CCDC59: variants seen among roughly 807,000 people sequenced by gnomAD.
CCDC59 encodes coiled-coil domain containing 59, also known as thyroid transcription factor 1-associated protein 26.
In CCDC59, 27 loss-of-function variants were observed where a neutral mutation model predicts 30.5. The ratio of observed to expected loss-of-function variants is 0.89; its 90% CI spans 0.65 to 1.22. The LOEUF is 1.22. Among genes scored for constraint, CCDC59 ranks in the 50% most tolerant of loss-of-function variants. The pLI is 0.00. For synonymous variants in CCDC59, 125 were observed against 100.9 expected, an observed-to-expected ratio of 1.24 and a Z score of -1.43; for missense variants, 362 against 284.4, an observed-to-expected ratio of 1.27 and a Z score of -1.96.
intron 2 of CCDC59, 43 bp from the exon 3 acceptor site, chr12:82,354,637 T>C (rs1200006536): frequency 1.3e-6 from 2 of 1,519,088 alleles, no homozygotes; most frequent in Admixed American, 2.2e-5. Flanking sequence ...ATTAGTAAAA[T>C]GTCCAAAAAG....
intron 2 of CCDC59, chr12:82,356,170 T>A (rs1881003321): frequency 6.6e-6 from 1 of 152,220 alleles, no homozygotes; most frequent in African/African-American, 2.4e-5. Flanking sequence ...TGCTCCCAAG[T>A]TAATACCCAG....
rs2136744796 is a variant in CCDC59 at position 82,352,490 on chromosome 12, T to C, written c.*661A>G. ...AGGGTACCAACAAGGGAGACAGAGA[T>C]AATGTTCTTAAAGTATAGGGTCCAT... On this transcript the variant is annotated 3_prime_UTR_variant, in exon 4 of 4. Coordinates refer to ENST00000256151, the MANE Select transcript of CCDC59 (RefSeq NM_014167.5). 6.6e-6 allele frequency: 1 copy of C among 152,352 alleles called. No individual in the cohort carries two copies. The highest frequency in any genetic ancestry group is 2.1e-4 in the South Asian group (1 of 4,828). The allele number at this position is 152,352 out of a possible 1,614,324, so 9.4% of individuals were successfully genotyped here.
upstream of CCDC59, chr12:82,358,563 G>A: frequency 1.9e-6 from 3 of 1,609,460 alleles, no homozygotes; most frequent in South Asian, 1.1e-5. Context: ...GAGGGTGAGC[G>A]TCATGGCGGC....
intron 1 of CCDC59, among the ~76,000 whole-genome samples, chr12:82,357,595 CACTT>C (rs1881136714): frequency 6.6e-6 from 1 of 152,196 alleles, no homozygotes; most frequent in African/African-American, 2.4e-5. Flanking sequence ...TCATCTAAAA[CACTT>C]AATCTGAGCC....
chr12:82,354,683 T>A, intron 2 of CCDC59, 89 bp from the exon 3 acceptor site: 1 of 1,160,648 alleles, frequency 8.6e-7, no homozygotes, highest in Non-Finnish European at 1.1e-6. Flanking sequence ...TAAGAGTATA[T>A]ATTAAATAAA....
intron 2 of CCDC59, among the ~76,000 whole-genome samples, chr12:82,356,544 G>A (rs986730142): frequency 6.6e-6 from 1 of 152,208 alleles, no homozygotes; most frequent in African/African-American, 2.4e-5. Flanking sequence ...ATTTAAAGAG[G>A]ACATAGTGTT....
At chr12:82,358,173 C>G in intron 1 of CCDC59, 50 bp downstream of exon 1, 1 of 1,609,684 alleles carries the variant, frequency 6.2e-7, no homozygotes, top group Non-Finnish European at 8.5e-7. Context: ...ATCTTATATC[C>G]TAAAACTTAG....
upstream of CCDC59, chr12:82,358,404 G>A: frequency 1.2e-6 from 2 of 1,610,732 alleles, no homozygotes; most frequent in South Asian, 1.1e-5. Context: ...GTCATCAGAA[G>A]ACCACGACGG....
At chr12:82,356,857 AT>A (rs2136750691) in intron 2 of CCDC59, 102 bp downstream of exon 2, 1 of 927,674 alleles carries the variant, frequency 1.1e-6, no homozygotes, top group South Asian at 2.3e-5. Flanking sequence ...GACTTCTAAA[AT>A]GTGTTAAATA....
At chr12:82,353,919 T>C (rs1482490450) in intron 3 of CCDC59, among the ~76,000 whole-genome samples, 1 of 152,030 alleles carries the variant, frequency 6.6e-6, no homozygotes, top group Non-Finnish European at 1.5e-5. Context: ...GTTGAGGCTG[T>C]GGGTAATTCT....
chr12:82,357,512 A>C (rs1881130467), intron 1 of CCDC59, among the ~76,000 whole-genome samples: 1 of 152,218 alleles, frequency 6.6e-6, no homozygotes, highest in African/African-American at 2.4e-5. Flanking sequence ...TCTCAAAGAA[A>C]AACTGACCAG....
At chr12:82,358,160 C>T in intron 1 of CCDC59, 63 bp downstream of exon 1, 1 of 1,587,478 alleles carries the variant, frequency 6.3e-7, no homozygotes, top group South Asian at 1.1e-5. Flanking sequence ...CAAGCTTCAG[C>T]GAATCTTATA....
At position 82,354,490 on chromosome 12, in the gene CCDC59, C is replaced by A; in HGVS notation, c.564+5G>T. On this transcript the variant is annotated splice_donor_5th_base_variant and intron_variant, in intron 3 of 3. Transcript: ENST00000256151. ...TATACTAAATATTTTCAAAGTAGAA[C>A]TTACTTGTTTCTTAGCAGCACGTTT... The A allele has an allele frequency of 6.3e-7, 1 of 1,578,490 alleles. No homozygotes were observed. The highest frequency in any genetic ancestry group is 8.6e-7 in the Non-Finnish European group (1 of 1,161,610).
Position 82,352,992 on chromosome 12 carries a change from T to C in CCDC59, c.*159A>G. On this transcript the variant is annotated 3_prime_UTR_variant, in exon 4 of 4. Transcript: ENST00000256151. Reference sequence around the variant, plus strand: ...AAATAAGAAACATGTAGAACATATTTAGAAAATTTTTTACCATAATAAAAA... The same window carrying C: ...AAATAAGAAACATGTAGAACATATTCAGAAAATTTTTTACCATAATAAAAA... The C allele has an allele frequency of 1.8e-6, 1 of 552,132 alleles. No homozygotes were observed. The highest frequency in any genetic ancestry group is 3.0e-6 in the Non-Finnish European group (1 of 328,736). The allele number at this position is 552,132 out of a possible 1,614,324, so 34.2% of individuals were successfully genotyped here.
chr12:82,358,060 A>G lies in CCDC59; in HGVS notation c.154+163T>C, dbSNP rs564875116. Among the ~76,000 whole-genome samples, 4 of 152,368 alleles carry G rather than the reference A, an allele frequency of 2.6e-5. No individual in the cohort carries two copies. In the South Asian group the frequency reaches 6.2e-4, roughly 24 times the overall value. On this transcript the variant is annotated intron_variant, in intron 1 of 3. Coordinates refer to ENST00000256151, the MANE Select transcript of CCDC59 (RefSeq NM_014167.5). ...GCAACACTGCTCCGTCTTCCTATCTAGAGCTCTGCGAAGCTCACAGCTTTA... is the reference window on the plus strand; with the variant it reads ...GCAACACTGCTCCGTCTTCCTATCTGGAGCTCTGCGAAGCTCACAGCTTTA...
upstream of CCDC59, chr12:82,358,534 T>C: frequency 6.2e-7 from 1 of 1,602,622 alleles, no homozygotes; most frequent in African/African-American, 1.3e-5. Context: ...CGGCCATGTT[T>C]GCGCCACCTA....
At chr12:82,358,783 C>A, upstream of CCDC59, 4 of 1,613,702 alleles carry the variant, frequency 2.5e-6, no homozygotes, top group Non-Finnish European at 3.4e-6. Flanking sequence ...GAGGCCCTGC[C>A]CTCAGAGACG....
At chr12:82,355,059 C>A (rs1434734233) in intron 2 of CCDC59, 1 of 152,760 alleles carries the variant, frequency 6.5e-6, no homozygotes, top group African/African-American at 2.4e-5. Context: ...CTTGGAATTC[C>A]ATTCATTTCC....
At chr12:82,357,833 G>A (rs1369271486) in intron 1 of CCDC59, among the ~76,000 whole-genome samples, 1 of 152,194 alleles carries the variant, frequency 6.6e-6, no homozygotes, top group Non-Finnish European at 1.5e-5. Flanking sequence ...TTAAAGCGAA[G>A]GCTGGAGGGC....
Sources: allele counts gnomAD v4.1 joint callset (sites outside exome capture counted in the v4.1 genomes callset), GRCh38; gene constraint gnomAD v4.1.1; transcripts MANE v1.5; gene names NCBI Gene and HGNC (gene_info 2026-07-23, HGNC 2026-07-21).